The following ZNF516 variants were observed in gnomAD, a reference collection of about 807,000 sequenced individuals.
ZNF516 encodes zinc finger protein 516.
ZNF516 carries 19 observed loss-of-function variants against 79.7 expected under a neutral mutation model. That is an observed-to-expected ratio of 0.24 (90% CI 0.17 to 0.35). The LOEUF is 0.35. Ranked by LOEUF, ZNF516 falls within the 10% of genes least tolerant of loss-of-function variation. The pLI, the probability that ZNF516 is intolerant of heterozygous loss-of-function variation, is 1.00. For missense variants in ZNF516, 1,678 were observed against 1,679.5 expected, an observed-to-expected ratio of 1.00 and a Z score of 0.02; for synonymous variants, 877 against 739.5, an observed-to-expected ratio of 1.19 and a Z score of -3.02.
At chr18:76,433,537 G>A (rs542420746) in intron 3 of ZNF516, among the ~76,000 whole-genome samples, 3 of 152,320 alleles carry the variant, frequency 2.0e-5, no homozygotes, top group Admixed American at 6.5e-5. Flanking sequence ...GCCGTACCGC[G>A]GCTGCACGCT....
intron 3 of ZNF516, among the ~76,000 whole-genome samples, chr18:76,432,204 C>T (rs1045348637): frequency 1.3e-5 from 2 of 152,244 alleles, no homozygotes; most frequent in African/African-American, 2.4e-5. Flanking sequence ...CAGCACCTGC[C>T]CTCCTCCGCA....
At chr18:76,462,512 C>T (rs989547609) in intron 2 of ZNF516, among the ~76,000 whole-genome samples, 1 of 152,224 alleles carries the variant, frequency 6.6e-6, no homozygotes, top group Admixed American at 6.5e-5. Flanking sequence ...CCCGTGCGGA[C>T]GCAGATGAAG....
intron 4 of ZNF516, among the ~76,000 whole-genome samples, chr18:76,373,737 G>A (rs182920539): frequency 1.5e-4 from 23 of 152,310 alleles, no homozygotes; most frequent in African/African-American, 3.4e-4. Context: ...ACACGCAGGC[G>A]TACACGCTCA....
chr18:76,481,557 C>T (rs689827), intron 1 of ZNF516, among the ~76,000 whole-genome samples: 16,739 of 152,224 alleles, frequency 0.11, 1,834 homozygotes, highest in African/African-American at 0.29. Context: ...TGCTTAATAA[C>T]CTGGCTGTGG....
At chr18:76,374,252 T>G (rs2074751296) in intron 4 of ZNF516, among the ~76,000 whole-genome samples, 1 of 152,260 alleles carries the variant, frequency 6.6e-6, no homozygotes, top group Non-Finnish European at 1.5e-5. Flanking sequence ...AGATTCATAC[T>G]ATCAGATCAT....
Position 76,362,515 on chromosome 18 carries a change from G to T in ZNF516, c.3475C>A (p.Leu1159Met). 1 of 1,613,406 alleles carries T rather than the reference G, an allele frequency of 6.2e-7. No homozygotes were observed. Among genetic ancestry groups the T allele is most frequent in the Admixed American group, 1.7e-5 (1 of 60,006 alleles). Residue 1159 changes from leucine (L) to methionine (M), a missense_variant, in exon 7 of 7, where the codon CTG becomes ATG. Leu to Met is a conservative substitution (Grantham distance 15, BLOSUM62 2). This residue lies in a region of ZNF516 where 1,294 missense variants were observed against 1,248.3 expected (regional missense o/e 1.04). Coordinates refer to ENST00000443185, the MANE Select transcript of ZNF516 (RefSeq NM_014643.4). ...ACACGCCTTTAGGTTCCCTTTCTCA[G>T]AGGCACTGTCTGGACGGTACCTGTG... ...SNTGTVQTVP[L>M]RKGT
chr18:76,362,993 T>TG (rs1253676390), intron 6 of ZNF516, among the ~76,000 whole-genome samples: 2 of 152,136 alleles, frequency 1.3e-5, no homozygotes, highest in Admixed American at 1.3e-4. Context: ...AGGCTGAATT[T>TG]GGGGGTCATA....
Position 76,442,176 on chromosome 18 carries a change from G to A in ZNF516, c.879C>T (p.Asn293=), listed in dbSNP as rs756349784. ...TCTTGGGGCCGTGCGCCTTCATGTG[G>A]TTCTTGAGGAACCAGGGCTCCTTGA... ...RRFKEPWFLK[N]HMKAHGPKTG... Residue 293 remains asparagine (N), a synonymous_variant, in exon 3 of 7, where the codon AAC becomes AAT. Transcript: ENST00000443185. The A allele has an allele frequency of 9.3e-6, 15 of 1,613,934 alleles. No homozygotes were observed. The highest frequency in any genetic ancestry group is 8.8e-5 in the South Asian group (8 of 91,090).
intron 2 of ZNF516, among the ~76,000 whole-genome samples, chr18:76,462,288 T>A (rs1360634285): frequency 6.6e-6 from 1 of 152,132 alleles, no homozygotes; most frequent in Non-Finnish European, 1.5e-5. Flanking sequence ...ACCACTTCAC[T>A]ACTTTAATCA....
intron 1 of ZNF516, among the ~76,000 whole-genome samples, chr18:76,477,653 G>A (rs1192586212): frequency 6.6e-6 from 1 of 151,866 alleles, no homozygotes; most frequent in Non-Finnish European, 1.5e-5. Flanking sequence ...CCTTCCACTT[G>A]GCTTCCAAAC....
At chr18:76,460,410 T>G (rs550460562) in intron 2 of ZNF516, among the ~76,000 whole-genome samples, 1 of 152,326 alleles carries the variant, frequency 6.6e-6, no homozygotes, top group South Asian at 2.1e-4. Context: ...ATTCTGGAGT[T>G]GTCAGAACAT....
intron 3 of ZNF516, among the ~76,000 whole-genome samples, chr18:76,397,540 T>C (rs988392086): frequency 6.6e-6 from 1 of 152,202 alleles, no homozygotes; most frequent in Non-Finnish European, 1.5e-5. Context: ...CATAAACAAC[T>C]TGCGAAAGTA....
chr18:76,456,326 G>A lies in ZNF516; in HGVS notation c.-158+6702C>T, dbSNP rs550252991. Among the ~76,000 whole-genome samples, 193 of 152,350 alleles carry A rather than the reference G, an allele frequency of 1.3e-3. 1 individual carries two copies. The highest frequency in any genetic ancestry group is 4.5e-3 in the African/African-American group (187 of 41,588). ...CTGGATGACTAAGAATTGGAGGCAAGAGAGATAAGCACGCTGGAGACCTTG... is the reference window on the plus strand; with the variant it reads ...CTGGATGACTAAGAATTGGAGGCAAAAGAGATAAGCACGCTGGAGACCTTG... On this transcript the variant is annotated intron_variant, in intron 2 of 6. Transcript: ENST00000443185.
chr18:76,431,246 C>T (rs564689275), intron 3 of ZNF516, among the ~76,000 whole-genome samples: 5 of 150,648 alleles, frequency 3.3e-5, no homozygotes, highest in Non-Finnish European at 7.4e-5. Flanking sequence ...GTGCCAGAGA[C>T]GAGGACACAC....
At chr18:76,488,692 A>T (rs558864067) in intron 1 of ZNF516, among the ~76,000 whole-genome samples, 1 of 152,258 alleles carries the variant, frequency 6.6e-6, no homozygotes, top group South Asian at 2.1e-4. Flanking sequence ...TTTATAATGC[A>T]GATACCTAAT....
At chr18:76,372,550 A>G (rs1349739932) in intron 4 of ZNF516, among the ~76,000 whole-genome samples, 1 of 152,260 alleles carries the variant, frequency 6.6e-6, no homozygotes, top group Non-Finnish European at 1.5e-5. Flanking sequence ...GAGTGTGAAC[A>G]GCAAATGAAG....
At chr18:76,397,375 G>GA (rs146856854) in intron 3 of ZNF516, among the ~76,000 whole-genome samples, 4,976 of 150,864 alleles carry the variant, frequency 0.033, 102 homozygotes, top group Non-Finnish European at 0.05. Flanking sequence ...CAAAAAAAAA[G>GA]AAAAAAAAAT....
At chr18:76,410,246 T>C (rs1179565906) in intron 3 of ZNF516, among the ~76,000 whole-genome samples, 3 of 152,204 alleles carry the variant, frequency 2.0e-5, no homozygotes, top group Non-Finnish European at 4.4e-5. Context: ...ACAGCTGGGT[T>C]CCTTCTCCAG....
intron 3 of ZNF516, among the ~76,000 whole-genome samples, chr18:76,424,734 C>T (rs1226495830): frequency 7.1e-6 from 1 of 141,328 alleles, no homozygotes; most frequent in South Asian, 2.4e-4. Context: ...CTGAAACACA[C>T]ATGCAGGTGA....
Sources: gnomAD v4.1 joint callset for allele counts (sites outside exome capture counted in the v4.1 genomes callset) on GRCh38, gnomAD v4.1.1 for gene constraint, gnomAD v4.1.1 regional missense constraint, MANE v1.5 for transcripts, NCBI Gene and HGNC (gene_info 2026-07-23, HGNC 2026-07-21) for gene names.